PXDNL: variants seen among roughly 807,000 people sequenced by gnomAD.
The protein encoded by PXDNL is peroxidasin like, also known as probable oxidoreductase PXDNL.
In PXDNL, 145 loss-of-function variants were observed where a neutral mutation model predicts 150.8. The observed-to-expected ratio is 0.96, with a 90% confidence interval of 0.84 to 1.10. The LOEUF is 1.10. Ranked by LOEUF, PXDNL falls within the 50% of genes least tolerant of loss-of-function variation. The probability of loss-of-function intolerance (pLI) is 0.00; values close to 1 mark genes in which losing one functional copy is unlikely to be tolerated. For missense variants in PXDNL, 2,087 were observed against 1,873.9 expected, an observed-to-expected ratio of 1.11 and a Z score of -2.10; for synonymous variants, 757 against 725.7, an observed-to-expected ratio of 1.04 and a Z score of -0.69.
intron 17 of PXDNL, among the ~76,000 whole-genome samples, chr8:51,401,169 C>A (rs1343308841): frequency 6.6e-6 from 1 of 152,076 alleles, no homozygotes; most frequent in Admixed American, 6.6e-5. Context: ...TGAAAATGAC[C>A]AGGGGTAGCA....
intron 8 of PXDNL, among the ~76,000 whole-genome samples, chr8:51,467,383 C>A (rs1289795081): frequency 6.6e-6 from 1 of 152,052 alleles, no homozygotes; most frequent in Non-Finnish European, 1.5e-5. Context: ...TACAGACCTA[C>A]AAATATTCCC....
intron 2 of PXDNL, among the ~76,000 whole-genome samples, chr8:51,631,492 T>C (rs959328219): frequency 6.6e-6 from 1 of 152,080 alleles, no homozygotes; most frequent in African/African-American, 2.4e-5. Flanking sequence ...AGCTAAGAGA[T>C]TTTATTGTTA....
chr8:51,806,351 T>C (rs894092429), intron 1 of PXDNL, among the ~76,000 whole-genome samples: 2 of 152,234 alleles, frequency 1.3e-5, no homozygotes, highest in Non-Finnish European at 2.9e-5. Flanking sequence ...CATGTTATAA[T>C]GACAATAAAC....
intron 6 of PXDNL, among the ~76,000 whole-genome samples, chr8:51,481,061 C>T (rs564350325): frequency 6.6e-6 from 1 of 152,218 alleles, no homozygotes; most frequent in Admixed American, 6.5e-5. Context: ...TTAGAGGGCT[C>T]AGAAGCAGAT....
chr8:51,664,982 C>G (rs548417080), intron 1 of PXDNL, among the ~76,000 whole-genome samples: 1 of 152,274 alleles, frequency 6.6e-6, no homozygotes, highest in South Asian at 2.1e-4. Context: ...GTCGAGGGCA[C>G]CACATCTCCT....
At chr8:51,526,665 A>T (rs1201258892) in intron 4 of PXDNL, among the ~76,000 whole-genome samples, 1 of 152,144 alleles carries the variant, frequency 6.6e-6, no homozygotes, top group Non-Finnish European at 1.5e-5. Context: ...CTCTGATCGA[A>T]TATGTTCTTT....
chr8:51,723,737 G>C (rs931482049), intron 1 of PXDNL, among the ~76,000 whole-genome samples: 10 of 152,182 alleles, frequency 6.6e-5, no homozygotes, highest in Non-Finnish European at 1.5e-4. Context: ...CTCTGAGCGA[G>C]GTGGGGCTGT....
intron 3 of PXDNL, among the ~76,000 whole-genome samples, chr8:51,560,572 A>G (rs191358463): frequency 3.8e-4 from 58 of 152,108 alleles, no homozygotes; most frequent in Non-Finnish European, 1.9e-4. Flanking sequence ...AAATCTGTTC[A>G]ATAAATAGTG....
rs368144144 is a variant in PXDNL, at chr8:51,631,830, A to G, written c.236+22859T>C. 2.6e-5 allele frequency among the ~76,000 whole-genome samples: 4 copies of G among 152,290 alleles called. No homozygotes were observed. In the East Asian group the frequency reaches 7.7e-4, roughly 29 times the overall value. The stretch of plus-strand genomic sequence containing the variant: ...AGTTTATGCTATTGAAGCTAAGTTG[A>G]TATCAATTACCTCGTGTCTCATTTC... On this transcript the variant is annotated intron_variant, in intron 2 of 22. Transcript: ENST00000356297.
intron 3 of PXDNL, among the ~76,000 whole-genome samples, chr8:51,569,711 C>T (rs1254389764): frequency 3.3e-5 from 5 of 151,508 alleles, no homozygotes; most frequent in African/African-American, 9.7e-5. Flanking sequence ...ATATTTTAAA[C>T]ATTTTGAAAG....
intron 1 of PXDNL, among the ~76,000 whole-genome samples, chr8:51,666,007 G>A (rs902101029): frequency 2.6e-5 from 4 of 152,108 alleles, no homozygotes; most frequent in African/African-American, 7.2e-5. Context: ...CTCTTACACC[G>A]ATATTTGGAT....
At chr8:51,792,293 G>C (rs959504343) in intron 1 of PXDNL, among the ~76,000 whole-genome samples, 1 of 152,132 alleles carries the variant, frequency 6.6e-6, no homozygotes, top group Non-Finnish European at 1.5e-5. Context: ...AGGAAAAGAA[G>C]AGTAGTGTGA....
At chr8:51,767,522 C>A (rs1047229807) in intron 1 of PXDNL, among the ~76,000 whole-genome samples, 2 of 152,112 alleles carry the variant, frequency 1.3e-5, no homozygotes, top group African/African-American at 4.8e-5. Context: ...CAATCAGTCT[C>A]CCATGCTTTG....
intron 1 of PXDNL, among the ~76,000 whole-genome samples, chr8:51,775,372 G>A (rs967079394): frequency 2.6e-5 from 4 of 152,112 alleles, no homozygotes; most frequent in East Asian, 1.9e-4. Flanking sequence ...TAAATGGCTC[G>A]TTATATTGCC....
At chr8:51,765,232 T>C (rs1444552864) in intron 1 of PXDNL, among the ~76,000 whole-genome samples, 4 of 152,260 alleles carry the variant, frequency 2.6e-5, no homozygotes, top group African/African-American at 9.6e-5. Context: ...AATTGAACCA[T>C]GGGGGCGGTT....
rs556563700 is a variant in PXDNL at position 51,433,674 on chromosome 8, C to A, written c.1526-6916G>T. On this transcript the variant is annotated intron_variant, in intron 12 of 22. Coordinates refer to ENST00000356297, the MANE Select transcript of PXDNL (RefSeq NM_144651.5). ...CTGGTTTCCTAATTCATCATTTTCA[C>A]TTTTCCAATTTGAAACTTATAATCG... 2.6e-5 allele frequency among the ~76,000 whole-genome samples: 4 copies of A among 152,242 alleles called. No individual in the cohort carries two copies. The South Asian group carries it at 8.3e-4, about 32-fold the overall frequency.
Position 51,719,102 on chromosome 8 carries a change from C to T in PXDNL, c.165-64342G>A, listed in dbSNP as rs561654048. On this transcript the variant is annotated intron_variant, in intron 1 of 22. Transcript: ENST00000356297. ...GAGGGGCGCCTCTGCCCGGCCGCCC[C>T]TTCTAGGAAGTGAGGAGCCCCTCTG... Among the ~76,000 whole-genome samples, 58 of 152,258 alleles carry T rather than the reference C, an allele frequency of 3.8e-4. No homozygotes were observed. In the East Asian group the frequency reaches 8.3e-3, roughly 22 times the overall value.
At chr8:51,540,525 A>G (rs996833503) in intron 4 of PXDNL, among the ~76,000 whole-genome samples, 22 of 152,208 alleles carry the variant, frequency 1.4e-4, no homozygotes, top group Non-Finnish European at 3.1e-4. Context: ...GAGAATTTTT[A>G]TGACATCTAC....
chr8:51,730,617 A>G (rs1443332436), intron 1 of PXDNL, among the ~76,000 whole-genome samples: 1 of 152,234 alleles, frequency 6.6e-6, no homozygotes, highest in Non-Finnish European at 1.5e-5. Flanking sequence ...GTAAACAATC[A>G]ATAAACATTT....
Sources: allele counts gnomAD v4.1 joint callset (sites outside exome capture counted in the v4.1 genomes callset), GRCh38; gene constraint gnomAD v4.1.1; transcripts MANE v1.5; gene names NCBI Gene and HGNC (gene_info 2026-07-23, HGNC 2026-07-21).